Variants in SASH1 observed in about 807,000 individuals in gnomAD.
The protein encoded by SASH1 is SAM and SH3 domain containing 1, also known as SAM and SH3 domain-containing protein 1.
A neutral mutation model predicts 125.2 loss-of-function variants in SASH1; 44 were observed. That is an observed-to-expected ratio of 0.35 (90% CI 0.28 to 0.45). The LOEUF is 0.45. Ranked by LOEUF, SASH1 falls within the 20% of genes least tolerant of loss-of-function variation. The probability of loss-of-function intolerance (pLI) is 1.00; values close to 1 mark genes in which losing one functional copy is unlikely to be tolerated. For synonymous variants in SASH1, 639 were observed against 649.1 expected (o/e 0.98, Z 0.24); for missense variants, 1,426 against 1,614.5 (o/e 0.88, Z 2.00).
At chr6:148,508,874 G>A in intron 8 of SASH1, 1 of 1,286,594 alleles carries the variant, frequency 7.8e-7, no homozygotes, top group Non-Finnish European at 1.0e-6. Flanking sequence ...AAATGCCGAA[G>A]CCGGTAAGTC....
At chr6:148,326,304 A>C (rs1309053255) in intron 1 of SASH1, among the ~76,000 whole-genome samples, 1 of 115,198 alleles carries the variant, frequency 8.7e-6, no homozygotes, top group Non-Finnish European at 1.7e-5. Context: ...CTGGGATTAC[A>C]GGAGTGAGCC....
chr6:148,206,464 A>T, the SASH1 span, among the ~76,000 whole-genome samples: 1 of 152,176 alleles, frequency 6.6e-6, no homozygotes. Flanking sequence ...TAAAGCCAAT[A>T]TAACTTGCCA....
chr6:148,498,684 T>A (rs1287035578), intron 8 of SASH1, among the ~76,000 whole-genome samples: 5 of 152,210 alleles, frequency 3.3e-5, no homozygotes, highest in Non-Finnish European at 7.3e-5. Flanking sequence ...GCTAGCTGAT[T>A]ATATTTCAGT....
chr6:148,493,598 C>T (rs1013872601), intron 8 of SASH1, among the ~76,000 whole-genome samples: 2 of 152,186 alleles, frequency 1.3e-5, no homozygotes, highest in African/African-American at 4.8e-5. Flanking sequence ...TGATGCCTGT[C>T]ATGCCTTAGG....
chr6:148,535,167 C>G (rs1422941466), intron 16 of SASH1, among the ~76,000 whole-genome samples: 1 of 152,218 alleles, frequency 6.6e-6, no homozygotes, highest in Non-Finnish European at 1.5e-5. Flanking sequence ...GGTCAAACAG[C>G]ACAAAATCAT....
chr6:148,322,732 G>A (rs1562323926), intron 1 of SASH1, among the ~76,000 whole-genome samples: 1 of 151,794 alleles, frequency 6.6e-6, no homozygotes, highest in Non-Finnish European at 1.5e-5. Flanking sequence ...TCTAGAACCA[G>A]TCTCTCTCTC....
chr6:148,244,906 G>A, the SASH1 span, among the ~76,000 whole-genome samples: 1 of 84,722 alleles, frequency 1.2e-5, no homozygotes, highest in Admixed American at 1.1e-4. Flanking sequence ...CCTGGGGCAT[G>A]TGTGTGTGTG....
intron 1 of SASH1, among the ~76,000 whole-genome samples, chr6:148,374,143 C>T (rs1782801799): frequency 6.6e-6 from 1 of 152,186 alleles, no homozygotes; most frequent in South Asian, 2.1e-4. Flanking sequence ...AATAAAAATA[C>T]TTGTATCCAC....
chr6:148,530,522 T>G (rs890712030), intron 12 of SASH1, among the ~76,000 whole-genome samples: 1 of 152,158 alleles, frequency 6.6e-6, no homozygotes, highest in Non-Finnish European at 1.5e-5. Context: ...CTAATGTGTG[T>G]TGGATCAGAA....
the SASH1 span, among the ~76,000 whole-genome samples, chr6:148,202,885 C>T: frequency 4.6e-5 from 7 of 151,922 alleles, no homozygotes; most frequent in South Asian, 1.2e-3. Context: ...ACCCGGTAGG[C>T]AGAGGTTGCA....
the SASH1 span, among the ~76,000 whole-genome samples, chr6:148,258,898 C>T: frequency 1.3e-5 from 2 of 152,180 alleles, no homozygotes; most frequent in South Asian, 4.1e-4. Context: ...ACAACAGGCT[C>T]AGCTTGAGGT....
intron 16 of SASH1, 94 bp downstream of exon 16, chr6:148,534,995 C>CT (rs1781756023): frequency 7.7e-7 from 1 of 1,304,078 alleles, no homozygotes; most frequent in South Asian, 1.3e-5. Context: ...CCTGGAGTCA[C>CT]TTATTCTGTC....
intron 1 of SASH1, among the ~76,000 whole-genome samples, chr6:148,380,169 C>T (rs1035605072): frequency 1.3e-5 from 2 of 152,154 alleles, no homozygotes; most frequent in Admixed American, 6.6e-5. Context: ...TTACCAGTTG[C>T]GCCGGGGAGC....
chr6:148,300,527 C>A (rs993466580), intron 1 of SASH1, among the ~76,000 whole-genome samples: 1 of 150,598 alleles, frequency 6.6e-6, no homozygotes, highest in African/African-American at 2.5e-5. Flanking sequence ...CGGCTCACTG[C>A]AGCCTCTGCC....
intron 1 of SASH1, among the ~76,000 whole-genome samples, chr6:148,309,721 T>G (rs1217477296): frequency 6.8e-6 from 1 of 148,130 alleles, no homozygotes; most frequent in Non-Finnish European, 1.5e-5. Flanking sequence ...AGACTTAGGG[T>G]ATGAAGGTCA....
In SASH1 at chr6:148,471,410, T is replaced by A; in HGVS notation, c.428-7T>A. The stretch of plus-strand genomic sequence containing the variant: ...TCTTTTTTTTTTTTTTTTTTTTTTT[T>A]TTTAAGGAAAAGGAGACTGGAAGAA... On this transcript the variant is annotated splice_region_variant and splice_polypyrimidine_tract_variant and intron_variant, in intron 5 of 19. Coordinates refer to ENST00000367467, the MANE Select transcript of SASH1 (RefSeq NM_015278.5). 3 of 1,309,368 alleles carry A rather than the reference T, an allele frequency of 2.3e-6. No homozygotes were observed. Among genetic ancestry groups the A allele is most frequent in the Non-Finnish European group, 3.1e-6 (3 of 960,970 alleles). The allele number at this position is 1,309,368 out of a possible 1,614,324, so 81.1% of individuals were successfully genotyped here.
chr6:148,344,976 G>A (rs1362775022), intron 1 of SASH1, among the ~76,000 whole-genome samples: 2 of 151,990 alleles, frequency 1.3e-5, no homozygotes, highest in African/African-American at 2.4e-5. Flanking sequence ...GGCTGGTCTC[G>A]AACTCCTGAC....
intron 2 of SASH1, among the ~76,000 whole-genome samples, chr6:148,393,265 G>A (rs1223296064): frequency 6.7e-6 from 1 of 148,818 alleles, no homozygotes; most frequent in African/African-American, 2.5e-5. Flanking sequence ...TCTCCATGTT[G>A]GTCAGGCTGG....
chr6:148,254,925 T>C, the SASH1 span, among the ~76,000 whole-genome samples: 3 of 152,184 alleles, frequency 2.0e-5, no homozygotes, highest in East Asian at 5.8e-4. Context: ...AGTAACATTA[T>C]TCATAATAAC....
Sources: allele counts gnomAD v4.1 joint callset (sites outside exome capture counted in the v4.1 genomes callset), GRCh38; gene constraint gnomAD v4.1.1; transcripts MANE v1.5; gene names NCBI Gene and HGNC (gene_info 2026-07-23, HGNC 2026-07-21).